OPRM1: variants seen among roughly 807,000 people sequenced by gnomAD.
The protein encoded by OPRM1 is opioid receptor mu 1.
Under a neutral mutation model 31.8 loss-of-function variants are expected in OPRM1, and 27 were observed. The observed-to-expected ratio is 0.85, with a 90% CI of 0.63 to 1.17. OPRM1 has a LOEUF of 1.17. Among genes scored for constraint, OPRM1 ranks in the 50% most tolerant of loss-of-function variants. The pLI, the probability that OPRM1 is intolerant of heterozygous loss-of-function variation, is 0.00. For missense variants in OPRM1, 536 were observed against 511.1 expected (o/e 1.05, Z -0.47); for synonymous variants, 196 against 189.9 (o/e 1.03, Z -0.26).
chr6:154,236,880 G>A lies in OPRM1; in HGVS notation c.1165-9813G>A, dbSNP rs548333436. ...TAGAGATTCTACATTGTGAGCCCAG[G>A]GTTATCTTCCCCTGCAGCGTGCCTT... On this transcript the variant is annotated intron_variant, in intron 3 of 3. Transcript: ENST00000337049. Among the ~76,000 whole-genome samples the A allele has an allele frequency of 2.6e-4, 40 of 152,198 alleles. No homozygotes were observed. The South Asian group carries it at 6.9e-3, about 26-fold the overall frequency.
intron 3 of OPRM1, among the ~76,000 whole-genome samples, chr6:154,220,545 TG>T (rs1458545777): frequency 6.6e-6 from 1 of 152,154 alleles, no homozygotes; most frequent in South Asian, 2.1e-4. Flanking sequence ...GGGAGGCTGA[TG>T]CAGGAGAATC....
At chr6:154,228,304 TAA>T (rs11303578) in intron 3 of OPRM1, among the ~76,000 whole-genome samples, 6,227 of 146,966 alleles carry the variant, frequency 0.042, 258 homozygotes, top group East Asian at 0.18. Flanking sequence ...TGTCTCTGTT[TAA>T]AAAAAAAAAA....
intron 3 of OPRM1, among the ~76,000 whole-genome samples, chr6:154,152,689 GT>G (rs753485682): frequency 6.7e-6 from 1 of 149,726 alleles, no homozygotes; most frequent in Non-Finnish European, 1.5e-5. Context: ...TTAAAATATT[GT>G]CCCCATTGCA....
chr6:154,039,328 T>C lies in OPRM1; in HGVS notation c.-217T>C, dbSNP rs1779538706. On this transcript the variant is annotated 5_prime_UTR_variant, in exon 1 of 4. Transcript: ENST00000330432. ...CAGGTGATGAGCCTCTGTGAACTAC[T>C]AAGGTGGGAGGGGGCTATACGCAGA... 2.6e-6 allele frequency: 4 copies of C among 1,549,800 alleles called. No homozygotes were observed. The highest frequency in any genetic ancestry group is 2.0e-5 in the Admixed American group (1 of 50,864).
chr6:154,176,552 G>A (rs1185177299), intron 3 of OPRM1, among the ~76,000 whole-genome samples: 1 of 152,134 alleles, frequency 6.6e-6, no homozygotes, highest in Non-Finnish European at 1.5e-5. Context: ...CAAATCATGA[G>A]TGAACTCCCA....
chr6:154,067,219 T>G (rs1785613778), intron 1 of OPRM1, among the ~76,000 whole-genome samples: 1 of 152,064 alleles, frequency 6.6e-6, no homozygotes, highest in Non-Finnish European at 1.5e-5. Context: ...CTGCTTACTT[T>G]GTTCTTTCTC....
chr6:154,146,596 T>G (rs1798364031), intron 3 of OPRM1, among the ~76,000 whole-genome samples: 1 of 152,206 alleles, frequency 6.6e-6, no homozygotes, highest in African/African-American at 2.4e-5. Context: ...TGATATTCAC[T>G]CATATTGGAT....
At chr6:154,235,112 T>G (rs1780011912) in intron 3 of OPRM1, among the ~76,000 whole-genome samples, 1 of 152,218 alleles carries the variant, frequency 6.6e-6, no homozygotes, top group African/African-American at 2.4e-5. Context: ...CAGACTAAAT[T>G]TCATCTCTTG....
chr6:154,118,774 T>C lies in OPRM1; in HGVS notation c.*53T>C, dbSNP rs75915011. ...CCAAGCTTAGAAGCCACCATGTATG[T>C]GGAAGCAGGTTGCTTCAAGAATGTG... On this transcript the variant is annotated 3_prime_UTR_variant, in exon 4 of 4. Coordinates refer to ENST00000330432, the MANE Select transcript of OPRM1 (RefSeq NM_000914.5). The C allele has an allele frequency of 4.3e-3, 6,951 of 1,607,530 alleles. 31 individuals carry two copies. The highest frequency in any genetic ancestry group is 0.016 in the Middle Eastern group (99 of 6,024).
chr6:154,240,750 G>A (rs1780513039), intron 3 of OPRM1, among the ~76,000 whole-genome samples: 1 of 152,168 alleles, frequency 6.6e-6, no homozygotes, highest in African/African-American at 2.4e-5. Context: ...AGCTAGAGAT[G>A]GAACACATCT....
intron 3 of OPRM1, among the ~76,000 whole-genome samples, chr6:154,203,771 G>C (rs1361674406): frequency 1.3e-5 from 2 of 152,080 alleles, no homozygotes; most frequent in Non-Finnish European, 1.5e-5. Context: ...TTTGCCTCTT[G>C]TTTGACACAT....
chr6:154,086,097 C>A (rs1205240327), intron 1 of OPRM1, among the ~76,000 whole-genome samples: 4 of 152,090 alleles, frequency 2.6e-5, no homozygotes, highest in Admixed American at 6.6e-5. Context: ...CTCAGCCTCC[C>A]AAAGTGCTGG....
At chr6:154,075,853 G>T (rs1787790290) in intron 1 of OPRM1, among the ~76,000 whole-genome samples, 1 of 152,174 alleles carries the variant, frequency 6.6e-6, no homozygotes, top group South Asian at 2.1e-4. Context: ...TCATTTACTG[G>T]CTTTACAAGT....
At chr6:154,228,565 G>T (rs1779457626) in intron 3 of OPRM1, among the ~76,000 whole-genome samples, 1 of 151,994 alleles carries the variant, frequency 6.6e-6, no homozygotes, top group Non-Finnish European at 1.5e-5. Context: ...CTCTGATTTT[G>T]TTCATCTCAG....
chr6:154,152,303 G>GA (rs1203286665), intron 3 of OPRM1, among the ~76,000 whole-genome samples: 5 of 83,506 alleles, frequency 6.0e-5, no homozygotes, highest in Admixed American at 1.2e-4. Context: ...AGAGAAGAAA[G>GA]AAAGAAAGAA....
At chr6:154,185,134 G>A (rs535614833) in intron 3 of OPRM1, among the ~76,000 whole-genome samples, 1 of 152,178 alleles carries the variant, frequency 6.6e-6, no homozygotes, top group East Asian at 1.9e-4. Flanking sequence ...GAATATTATT[G>A]TCCCCTGAGC....
intron 3 of OPRM1, among the ~76,000 whole-genome samples, chr6:154,232,334 T>A (rs1779787894): frequency 6.6e-6 from 1 of 152,202 alleles, no homozygotes; most frequent in Non-Finnish European, 1.5e-5. Flanking sequence ...GTGCTTGGAA[T>A]CCTTTTAAGA....
At chr6:154,199,680 T>C (rs773455218) in intron 3 of OPRM1, 1 of 1,607,134 alleles carries the variant, frequency 6.2e-7, no homozygotes, top group Non-Finnish European at 8.5e-7. Flanking sequence ...TTGTCCATGA[T>C]CTTTGATCCA....
intron 3 of OPRM1, among the ~76,000 whole-genome samples, chr6:154,100,131 CATATA>C (rs1562472472): frequency 7.4e-5 from 2 of 26,874 alleles, no homozygotes. Flanking sequence ...CATATTATGA[CATATA>C]ATATATATTA....
Sources: gnomAD v4.1 joint callset for allele counts (sites outside exome capture counted in the v4.1 genomes callset) on GRCh38, gnomAD v4.1.1 for gene constraint, MANE v1.5 for transcripts, NCBI Gene and HGNC (gene_info 2026-07-23, HGNC 2026-07-21) for gene names.